RPS6KA3: variants seen among roughly 807,000 people sequenced by gnomAD.
RPS6KA3 encodes ribosomal protein S6 kinase alpha-3.
In RPS6KA3, 4 loss-of-function variants were observed where a neutral mutation model predicts 67.2. The ratio of observed to expected loss-of-function variants is 0.06; its 90% CI spans 0.03 to 0.14. The LOEUF (loss-of-function observed/expected upper bound fraction) is 0.14. Ranked by LOEUF, RPS6KA3 falls within the 10% of genes least tolerant of loss-of-function variation. The pLI is 1.00. For synonymous variants in RPS6KA3, 182 were observed against 183.7 expected, an observed-to-expected ratio of 0.99 and a Z score of 0.07; for missense variants, 204 against 559.0, an observed-to-expected ratio of 0.36 and a Z score of 6.40.
chrX:20,173,901 C>A (rs140825811), intron 14 of RPS6KA3, among the ~76,000 whole-genome samples: 1 of 112,462 alleles, frequency 8.9e-6, no homozygotes, highest in African/African-American at 3.2e-5. Flanking sequence ...AAAGATATAT[C>A]GAGTTCCCTT....
intron 19 of RPS6KA3, 126 bp downstream of exon 19, chrX:20,162,838 C>A: frequency 1.8e-6 from 1 of 548,896 alleles, no homozygotes; most frequent in Non-Finnish European, 3.3e-6. Context: ...CAGAGTGAGA[C>A]CCTGTCTCTA....
intron 10 of RPS6KA3, among the ~76,000 whole-genome samples, chrX:20,185,554 T>G (rs1252435170): frequency 9.0e-6 from 1 of 111,025 alleles, no homozygotes; most frequent in Non-Finnish European, 1.9e-5. Context: ...GCCTGGCTAA[T>G]TTTTGCATTT....
chrX:20,212,372 C>T (rs2068738515), intron 2 of RPS6KA3, among the ~76,000 whole-genome samples: 1 of 110,556 alleles, frequency 9.0e-6, no homozygotes, highest in Non-Finnish European at 1.9e-5. Flanking sequence ...GTGGTGGGTG[C>T]CTGTAATCCC....
chrX:20,251,594 C>T lies in RPS6KA3; in HGVS notation c.69+14970G>A, dbSNP rs903668450. On this transcript the variant is annotated intron_variant, in intron 1 of 21. Coordinates refer to ENST00000379565, the MANE Select transcript of RPS6KA3 (RefSeq NM_004586.3). ...TTTCTCTCTAACTGCTTTAAAGATT[C>T]TTTAATTTTCAAAAGTTTGATATTT... 4.4e-5 allele frequency among the ~76,000 whole-genome samples: 5 copies of T among 113,056 alleles called. No homozygotes were observed. The Admixed American group carries it at 4.6e-4, about 10-fold the overall frequency.
At chrX:20,196,370 G>A (rs1032029544) in intron 4 of RPS6KA3, among the ~76,000 whole-genome samples, 1 of 112,596 alleles carries the variant, frequency 8.9e-6, no homozygotes, top group African/African-American at 3.2e-5. Flanking sequence ...AATGCACTAG[G>A]GATATACATA....
intron 2 of RPS6KA3, among the ~76,000 whole-genome samples, chrX:20,210,266 T>TA (rs1370645332): frequency 8.9e-6 from 1 of 112,149 alleles, no homozygotes; most frequent in African/African-American, 3.2e-5. Context: ...TACGGTATGT[T>TA]ATAGTCAAAA....
intron 2 of RPS6KA3, among the ~76,000 whole-genome samples, chrX:20,221,503 A>G (rs2068986973): frequency 1.8e-5 from 2 of 112,121 alleles, no homozygotes; most frequent in Non-Finnish European, 3.8e-5. Context: ...ATGCACATAT[A>G]TGGACCATAC....
chrX:20,237,007 A>G (rs1421408742), intron 1 of RPS6KA3, among the ~76,000 whole-genome samples: 1 of 111,665 alleles, frequency 9.0e-6, no homozygotes, highest in Non-Finnish European at 1.9e-5. Flanking sequence ...CAACAATCTA[A>G]GCTTTTCAGT....
At chrX:20,214,619 C>T (rs1030841672) in intron 2 of RPS6KA3, among the ~76,000 whole-genome samples, 3 of 111,051 alleles carry the variant, frequency 2.7e-5, no homozygotes, top group Non-Finnish European at 5.7e-5. Flanking sequence ...GGTCTTCTTT[C>T]CTTCAGAATG....
At chrX:20,259,799 C>A (rs1004701613) in intron 1 of RPS6KA3, among the ~76,000 whole-genome samples, 4 of 111,734 alleles carry the variant, frequency 3.6e-5, no homozygotes, top group African/African-American at 1.3e-4. Flanking sequence ...CAGGTTAAAT[C>A]TTATTTAATG....
rs5901672 is a variant in RPS6KA3, at chrX:20,246,122, GAAAAAAAAAAA to G, written c.70-11319_70-11309del. Among the ~76,000 whole-genome samples the G allele has an allele frequency of 3.2e-4, 17 of 52,846 alleles. No individual in the cohort carries two copies. The South Asian group carries it at 0.017, about 51-fold the overall frequency. The allele number at this position is 52,846 out of a possible 115,157, so 45.9% of individuals were successfully genotyped here. ...AATGGCATGACTCCATCTCGGAAAA[GAAAAAAAAAAA>G]AAAAAAAAAAGGGAAATCCCAGTGT... On this transcript the variant is annotated intron_variant, in intron 1 of 21. Coordinates refer to ENST00000379565, the MANE Select transcript of RPS6KA3 (RefSeq NM_004586.3).
chrX:20,178,508 G>A, intron 10 of RPS6KA3, among the ~76,000 whole-genome samples: 1 of 95,430 alleles, frequency 1.0e-5, no homozygotes. Flanking sequence ...TTTTAAGACA[G>A]AGTATCCAGG....
chrX:20,243,129 T>A (rs1186025006), intron 1 of RPS6KA3, among the ~76,000 whole-genome samples: 2 of 111,607 alleles, frequency 1.8e-5, no homozygotes, highest in African/African-American at 6.5e-5. Context: ...TTAAGCTGAG[T>A]TAAAAAAGTC....
chrX:20,172,563 T>C (rs1012219012), intron 15 of RPS6KA3, among the ~76,000 whole-genome samples, 183 bp downstream of exon 15: 12 of 111,614 alleles, frequency 1.1e-4, no homozygotes, highest in African/African-American at 3.9e-4. Context: ...AAACTAGATA[T>C]ATAACCACCT....
intron 1 of RPS6KA3, among the ~76,000 whole-genome samples, chrX:20,248,201 A>G (rs776626267): frequency 4.4e-5 from 5 of 112,432 alleles, no homozygotes; most frequent in African/African-American, 1.3e-4. Flanking sequence ...GTTATCTAAG[A>G]GGATAATTAT....
intron 11 of RPS6KA3, among the ~76,000 whole-genome samples, 175 bp from the exon 12 acceptor site, chrX:20,176,673 C>G (rs1263790284): frequency 9.0e-6 from 1 of 110,910 alleles, no homozygotes; most frequent in African/African-American, 3.3e-5. Flanking sequence ...TTCACTGCAG[C>G]CTCAACCTCT....
chrX:20,184,303 C>T (rs2067918814), intron 10 of RPS6KA3, among the ~76,000 whole-genome samples: 1 of 111,658 alleles, frequency 9.0e-6, no homozygotes, highest in Admixed American at 9.5e-5. Flanking sequence ...CCCGCTTTGG[C>T]CTCCCAAAGT....
At chrX:20,206,294 T>C (rs1250300406) in intron 3 of RPS6KA3, among the ~76,000 whole-genome samples, 2 of 112,265 alleles carry the variant, frequency 1.8e-5, no homozygotes, top group African/African-American at 3.2e-5. Context: ...TTGGTATTTA[T>C]AGTATGATAT....
chrX:20,175,592 T>G (rs1039602955), intron 13 of RPS6KA3, among the ~76,000 whole-genome samples: 3 of 112,233 alleles, frequency 2.7e-5, no homozygotes, highest in African/African-American at 9.7e-5. Context: ...CCCATGGAAT[T>G]TCCTGAAATG....
Sources: allele counts gnomAD v4.1 joint callset (sites outside exome capture counted in the v4.1 genomes callset), GRCh38; gene constraint gnomAD v4.1.1; transcripts MANE v1.5; gene names NCBI Gene and HGNC (gene_info 2026-07-23, HGNC 2026-07-21).